NUP58: variants seen among roughly 807,000 people sequenced by gnomAD.
NUP58 encodes nucleoporin p58/p45.
A neutral mutation model predicts 70.1 loss-of-function variants in NUP58; 17 were observed. The ratio of observed to expected loss-of-function variants is 0.24; its 90% CI spans 0.17 to 0.36. The LOEUF (loss-of-function observed/expected upper bound fraction) is 0.36, where lower values mean the gene tolerates loss of function less well. NUP58 is among the 10% of genes least tolerant of loss of function. NUP58 has a pLI of 1.00. For synonymous variants in NUP58, 275 were observed against 257.6 expected (o/e 1.07, Z -0.65); for missense variants, 644 against 701.5 (o/e 0.92, Z 0.93).
intron 13 of NUP58, among the ~76,000 whole-genome samples, chr13:25,336,695 T>C (rs1450501218): frequency 6.6e-6 from 1 of 152,162 alleles, no homozygotes; most frequent in African/African-American, 2.4e-5. Context: ...CTCTTTTAAT[T>C]GTCTAGTTCT....
chr13:25,328,954 A>AT (rs1313125112), intron 12 of NUP58, among the ~76,000 whole-genome samples: 1 of 152,122 alleles, frequency 6.6e-6, no homozygotes, highest in Non-Finnish European at 1.5e-5. Flanking sequence ...TAGTAACAGG[A>AT]TTTTTTTAAG....
At chr13:25,316,728 C>G (rs533619710) in intron 6 of NUP58, among the ~76,000 whole-genome samples, 2 of 152,202 alleles carry the variant, frequency 1.3e-5, no homozygotes, top group South Asian at 2.1e-4. Flanking sequence ...GAGTACTTCT[C>G]TATTATAATT....
intron 13 of NUP58, chr13:25,332,681 A>G (rs907274808): frequency 1.9e-5 from 19 of 985,452 alleles, no homozygotes; most frequent in African/African-American, 7.0e-5. Flanking sequence ...AGGGTTGATG[A>G]TAGATTTATG....
intron 13 of NUP58, chr13:25,333,390 A>G (rs1421160452): frequency 7.1e-6 from 7 of 985,164 alleles, no homozygotes; most frequent in Non-Finnish European, 8.4e-6. Flanking sequence ...TTTGTCTGTG[A>G]CTTTTGCCAG....
At chr13:25,339,143 C>G (rs894909111) in intron 15 of NUP58, among the ~76,000 whole-genome samples, 1 of 152,104 alleles carries the variant, frequency 6.6e-6, no homozygotes, top group African/African-American at 2.4e-5. Flanking sequence ...ATACCACAGT[C>G]TTACAAATGA....
chr13:25,313,234 A>G (rs1017117723), intron 4 of NUP58, among the ~76,000 whole-genome samples: 1 of 152,234 alleles, frequency 6.6e-6, no homozygotes, highest in African/African-American at 2.4e-5. Context: ...GGTAAAATGT[A>G]AAGCTGTTAA....
intron 13 of NUP58, chr13:25,335,975 T>TAA (rs59246269): frequency 3.5e-5 from 29 of 837,588 alleles, no homozygotes; most frequent in South Asian, 1.1e-4. Context: ...TGCTTAGTTT[T>TAA]AAAAAAAAAA....
chr13:25,313,918 C>T (rs942628079), intron 5 of NUP58, among the ~76,000 whole-genome samples, 167 bp downstream of exon 5: 8 of 151,460 alleles, frequency 5.3e-5, no homozygotes, highest in African/African-American at 9.7e-5. Context: ...ATGTATTAAC[C>T]GTATTTTATT....
intron 13 of NUP58, chr13:25,332,202 T>G (rs2031633095): frequency 1.0e-6 from 1 of 985,684 alleles, no homozygotes; most frequent in African/African-American, 1.7e-5. Flanking sequence ...GATTGCACAT[T>G]AAGGAGCAAC....
At chr13:25,338,533 A>C (rs1225521379) in intron 14 of NUP58, 103 bp from the exon 15 acceptor site, 3 of 748,012 alleles carry the variant, frequency 4.0e-6, no homozygotes, top group Non-Finnish European at 6.9e-6. Flanking sequence ...GTTTTTCAGC[A>C]CTGTATCTGT....
chr13:25,315,808 A>G (rs1009021642), intron 6 of NUP58, among the ~76,000 whole-genome samples: 2 of 152,264 alleles, frequency 1.3e-5, no homozygotes, highest in South Asian at 2.1e-4. Context: ...TTGGGAAGTA[A>G]AACACTGGGC....
At chr13:25,333,426 C>G (rs2031677416) in intron 13 of NUP58, 1 of 985,292 alleles carries the variant, frequency 1.0e-6, no homozygotes, top group African/African-American at 1.7e-5. Flanking sequence ...ACTGCCTTCA[C>G]TCTTCCCTGA....
In NUP58 at chr13:25,335,286, A is replaced by G. The variant is rs182430608; in HGVS notation, c.1436-1650A>G. On this transcript the variant is annotated intron_variant, in intron 13 of 15. Coordinates refer to ENST00000381736, the MANE Select transcript of NUP58 (RefSeq NM_014089.4). ...ATCTTATGTTCTGTTGCTCTTAACAACAGACCCACACACAACAAAAAGCAT... is the reference window on the plus strand; with the variant it reads ...ATCTTATGTTCTGTTGCTCTTAACAGCAGACCCACACACAACAAAAAGCAT... 8.1e-6 allele frequency: 8 copies of G among 985,394 alleles called. No individual in the cohort carries two copies. The South Asian group carries it at 1.4e-4, about 17-fold the overall frequency. 61.0% of individuals were successfully genotyped at this position (985,394 alleles called of 1,614,324 possible). A position where few individuals can be genotyped will look rare whatever the true frequency, so the allele number is the denominator to read the frequency against.
chr13:25,345,590 G>A (rs939130814), downstream of NUP58, among the ~76,000 whole-genome samples: 76 of 152,088 alleles, frequency 5.0e-4, no homozygotes, highest in Non-Finnish European at 1.5e-4. Flanking sequence ...GCGGTGGGGG[G>A]GGGTCTGTCC....
chr13:25,308,668 A>G (rs1845142964), intron 2 of NUP58, among the ~76,000 whole-genome samples: 1 of 152,184 alleles, frequency 6.6e-6, no homozygotes, highest in Non-Finnish European at 1.5e-5. Context: ...ACAAAGTGGG[A>G]AAAGGGCAAT....
At chr13:25,337,111 T>A (rs1184556919) in intron 14 of NUP58, 77 bp downstream of exon 14, 16 of 867,310 alleles carry the variant, frequency 1.8e-5, no homozygotes, top group Non-Finnish European at 2.4e-5. Context: ...AAAAAATTTC[T>A]AAGAGAATCT....
chr13:25,319,312 C>G lies in NUP58; in HGVS notation c.686-14C>G. 1.2e-6 allele frequency: 2 copies of G among 1,611,986 alleles called. No individual in the cohort carries two copies. Among genetic ancestry groups the G allele is most frequent in the Non-Finnish European group, 1.7e-6 (2 of 1,178,652 alleles). Reference sequence around the variant, plus strand: ...TACCAATTTTTTTTACGTGAAGCTTCTTGAATTTTCTAGGTGATAAAACGG... The same window carrying G: ...TACCAATTTTTTTTACGTGAAGCTTGTTGAATTTTCTAGGTGATAAAACGG... On this transcript the variant is annotated splice_polypyrimidine_tract_variant and intron_variant, in intron 6 of 15. Coordinates refer to ENST00000381736, the MANE Select transcript of NUP58 (RefSeq NM_014089.4).
At chr13:25,319,499 G>A (rs1197030138) in intron 7 of NUP58, 149 bp downstream of exon 7, 5 of 652,698 alleles carry the variant, frequency 7.7e-6, no homozygotes, top group Non-Finnish European at 1.4e-5. Flanking sequence ...TAAAATAATA[G>A]ACGTATGTTC....
chr13:25,304,483 T>C (rs2030196926), intron 1 of NUP58, among the ~76,000 whole-genome samples: 1 of 25,706 alleles, frequency 3.9e-5, no homozygotes, highest in Non-Finnish European at 8.7e-5. Context: ...CAAGATTATA[T>C]ATATATATAT....
Sources: allele counts gnomAD v4.1 joint callset (sites outside exome capture counted in the v4.1 genomes callset), GRCh38; gene constraint gnomAD v4.1.1; transcripts MANE v1.5; gene names NCBI Gene and HGNC (gene_info 2026-07-23, HGNC 2026-07-21).